SMNDC1: variants seen among roughly 807,000 people sequenced by gnomAD.
The protein encoded by SMNDC1 is survival motor neuron domain containing 1.
SMNDC1 carries 5 observed loss-of-function variants against 29.2 expected under a neutral mutation model. That is an observed-to-expected ratio of 0.17 (90% CI 0.09 to 0.36). The LOEUF is 0.36. SMNDC1 is among the 10% of genes least tolerant of loss of function. The pLI is 1.00. For missense variants in SMNDC1, 142 were observed against 268.5 expected (o/e 0.53, Z 3.29); for synonymous variants, 80 against 89.9 (o/e 0.89, Z 0.62).
rs1857724658 is a variant in SMNDC1, at chr10:110,304,906, G to A, written c.-159C>T. 6.6e-6 allele frequency: 1 copy of A among 152,376 alleles called. No individual in the cohort carries two copies. Among genetic ancestry groups the A allele is most frequent in the Non-Finnish European group, 1.5e-5 (1 of 68,154 alleles). The allele number at this position is 152,376 out of a possible 1,614,324, so 9.4% of individuals were successfully genotyped here. On this transcript the variant is annotated 5_prime_UTR_variant, in exon 1 of 6. Coordinates refer to ENST00000369603, the MANE Select transcript of SMNDC1 (RefSeq NM_005871.4). ...AAGGAAGAACTCGGTCGGCGGCGAGGGGGAAGGGAGGAACGCCGGGCACTG... is the reference window on the plus strand; with the variant it reads ...AAGGAAGAACTCGGTCGGCGGCGAGAGGGAAGGGAGGAACGCCGGGCACTG...
At chr10:110,297,050 C>A (rs948419282) in intron 4 of SMNDC1, among the ~76,000 whole-genome samples, 11 of 152,220 alleles carry the variant, frequency 7.2e-5, no homozygotes, top group Admixed American at 2.6e-4. Flanking sequence ...CAACATCATA[C>A]CGCCTTGTAG....
chr10:110,295,982 C>A (rs775956232), intron 4 of SMNDC1, among the ~76,000 whole-genome samples: 49 of 152,098 alleles, frequency 3.2e-4, no homozygotes, highest in Admixed American at 7.2e-4. Flanking sequence ...TAGCTGTTAC[C>A]AGTTGTTTTA....
intron 2 of SMNDC1, 105 bp downstream of exon 2, chr10:110,303,363 T>A: frequency 1.0e-6 from 1 of 952,450 alleles, no homozygotes; most frequent in Non-Finnish European, 1.5e-6. Flanking sequence ...TTTACATATA[T>A]ACATAGGGTG....
chr10:110,294,045 G>A lies in SMNDC1; in HGVS notation c.*105C>T. 2 of 854,226 alleles carry A rather than the reference G, an allele frequency of 2.3e-6. No homozygotes were observed. The highest frequency in any genetic ancestry group is 3.4e-6 in the Non-Finnish European group (2 of 586,156). 52.9% of individuals were successfully genotyped at this position (854,226 alleles called of 1,614,324 possible). A position where few individuals can be genotyped will look rare whatever the true frequency, so the allele number is the denominator to read the frequency against. ...ACTGAAGCCAACCAATGACGACAAT[G>A]GTATCTTGCTTACTCATCTAACAAA... On this transcript the variant is annotated 3_prime_UTR_variant, in exon 6 of 6. Coordinates refer to ENST00000369603, the MANE Select transcript of SMNDC1 (RefSeq NM_005871.4).
chr10:110,296,377 A>G (rs1474389753), intron 4 of SMNDC1, among the ~76,000 whole-genome samples: 2 of 152,174 alleles, frequency 1.3e-5, no homozygotes, highest in Non-Finnish European at 2.9e-5. Flanking sequence ...CACAGATGAC[A>G]AAGACATTAA....
At chr10:110,300,528 G>A (rs1333949709) in intron 2 of SMNDC1, 2 of 979,816 alleles carry the variant, frequency 2.0e-6, no homozygotes, top group Non-Finnish European at 2.4e-6. Context: ...TGTATGAGGG[G>A]GTTCTTGAAG....
chr10:110,300,844 G>A (rs767479727), intron 2 of SMNDC1: 87 of 378,946 alleles, frequency 2.3e-4, no homozygotes, highest in Non-Finnish European at 2.8e-4. Context: ...GACTGCCCGG[G>A]GAGCTAGTCA....
At chr10:110,301,957 C>T (rs904396162) in intron 2 of SMNDC1, among the ~76,000 whole-genome samples, 2 of 152,180 alleles carry the variant, frequency 1.3e-5, no homozygotes, top group African/African-American at 4.8e-5. Context: ...ATTTCTAACT[C>T]CACTCCCAAC....
chr10:110,297,712 T>C lies in SMNDC1; in HGVS notation c.280A>G (p.Ile94Val), dbSNP rs746871032. 5.0e-6 allele frequency: 8 copies of C among 1,613,776 alleles called. No homozygotes were observed. The highest frequency in any genetic ancestry group is 5.9e-6 in the Non-Finnish European group (7 of 1,179,848). Residue 94 changes from isoleucine to valine, a missense_variant, in exon 4 of 6, where the codon ATT becomes GTT. Transcript: ENST00000369603. ...CCATTTTCTTCATCTATCTCCTCAA[T>C]CTCCGCTTCATAACACCTGTAAAGA... ...SEDGQCYEAE[I>V]EEIDEENGTA... is the part of the protein sequence containing the mutation.
chr10:110,298,831 T>A lies in SMNDC1; in HGVS notation c.121-41A>T, dbSNP rs201980407. On this transcript the variant is annotated intron_variant, in intron 2 of 5. Transcript: ENST00000369603. ...AAAAACTACAACATTATTTTTATAA[T>A]TCTCATTGTCAACTTAGTTTCTGAT... 277 of 1,500,214 alleles carry A rather than the reference T, an allele frequency of 1.8e-4. No individual in the cohort carries two copies. In the African/African-American group the frequency reaches 3.6e-3, roughly 20 times the overall value. The allele number at this position is 1,500,214 out of a possible 1,614,324, so 92.9% of individuals were successfully genotyped here.
chr10:110,294,082 T>C lies in SMNDC1; in HGVS notation c.*68A>G, dbSNP rs1209346598. 2 of 1,274,416 alleles carry C rather than the reference T, an allele frequency of 1.6e-6. No homozygotes were observed. The highest frequency in any genetic ancestry group is 5.5e-5 in the East Asian group (2 of 36,612). 78.9% of individuals were successfully genotyped at this position (1,274,416 alleles called of 1,614,324 possible). A position where few individuals can be genotyped will look rare whatever the true frequency, so the allele number is the denominator to read the frequency against. On this transcript the variant is annotated 3_prime_UTR_variant, in exon 6 of 6. Transcript: ENST00000369603. ...ACTCATCTAACAAATAATTTACCTT[T>C]AGAAAAATATAAGGATAAAAAGGTA...
At chr10:110,299,783 C>T (rs1290830014) in intron 2 of SMNDC1, among the ~76,000 whole-genome samples, 2 of 152,064 alleles carry the variant, frequency 1.3e-5, no homozygotes, top group African/African-American at 2.4e-5. Flanking sequence ...ATTTTGATTC[C>T]AGTAGCCAAG....
At chr10:110,300,499 T>TA (rs1857630232) in intron 2 of SMNDC1, 1 of 923,408 alleles carries the variant, frequency 1.1e-6, no homozygotes, top group Non-Finnish European at 1.3e-6. Context: ...TGGACCAAAG[T>TA]ATTAGAAAAA....
At chr10:110,299,886 GGTTA>G (rs556804732) in intron 2 of SMNDC1, among the ~76,000 whole-genome samples, 41 of 152,054 alleles carry the variant, frequency 2.7e-4, no homozygotes, top group African/African-American at 6.3e-4. Flanking sequence ...CTTGAAGAAA[GGTTA>G]GTTTTATAAA....
At position 110,298,734 on chromosome 10, in the gene SMNDC1, T is replaced by C. The variant is rs1857604085; in HGVS notation, c.177A>G (p.Ala59=). ...LLSTQPSETL[A]SSDSFASTQP... ...GAGTAGAAGCAAAACTGTCTGAACT[T>C]GCAAGCGTCTCAGAAGGTTGAGTTG... Residue 59 remains alanine (A), a synonymous_variant, in exon 3 of 6, where the codon GCA becomes GCG. Transcript: ENST00000369603. 16 of 1,613,678 alleles carry C rather than the reference T, an allele frequency of 9.9e-6. No homozygotes were observed. The highest frequency in any genetic ancestry group is 2.7e-5 in the African/African-American group (2 of 74,924).
At chr10:110,296,769 T>C (rs1047871378) in intron 4 of SMNDC1, among the ~76,000 whole-genome samples, 6 of 152,142 alleles carry the variant, frequency 3.9e-5, no homozygotes, top group African/African-American at 1.4e-4. Flanking sequence ...GGACTTTACC[T>C]CTCTAATCTC....
chr10:110,298,562 T>C, intron 3 of SMNDC1, 86 bp downstream of exon 3: 2 of 1,103,934 alleles, frequency 1.8e-6, no homozygotes, highest in East Asian at 2.5e-5. Context: ...AAGATTAAAA[T>C]AGGGTAGTTA....
intron 4 of SMNDC1, 123 bp downstream of exon 4, chr10:110,297,444 A>C (rs921672355): frequency 1.6e-5 from 14 of 866,474 alleles, no homozygotes; most frequent in African/African-American, 1.5e-4. Context: ...CTTTGTTGCT[A>C]ATCTTCAAAA....
At chr10:110,297,477 C>T in intron 4 of SMNDC1, 90 bp downstream of exon 4, 7 of 1,224,928 alleles carry the variant, frequency 5.7e-6, no homozygotes, top group Non-Finnish European at 8.1e-6. Flanking sequence ...AGTATTACAA[C>T]TTTCTTATGC....
Sources: allele counts gnomAD v4.1 joint callset (sites outside exome capture counted in the v4.1 genomes callset), GRCh38; gene constraint gnomAD v4.1.1; transcripts MANE v1.5; gene names NCBI Gene and HGNC (gene_info 2026-07-23, HGNC 2026-07-21).